Variants in CDH9 observed in about 807,000 individuals in gnomAD.
The protein encoded by CDH9 is cadherin 9, also known as cadherin-9.
CDH9 carries 28 observed loss-of-function variants against 70.9 expected under a neutral mutation model. That is an observed-to-expected ratio of 0.40 (90% confidence interval 0.29 to 0.54). The LOEUF (loss-of-function observed/expected upper bound fraction) is 0.54, where lower values mean the gene tolerates loss of function less well. Ranked by LOEUF, CDH9 falls within the 20% of genes least tolerant of loss-of-function variation. The pLI is 0.59. For missense variants in CDH9, 874 were observed against 984.4 expected, an observed-to-expected ratio of 0.89 and a Z score of 1.50; for synonymous variants, 409 against 343.1, an observed-to-expected ratio of 1.19 and a Z score of -2.12.
intron 2 of CDH9, among the ~76,000 whole-genome samples, chr5:26,929,416 T>C (rs1741400703): frequency 6.6e-6 from 1 of 152,038 alleles, no homozygotes; most frequent in Non-Finnish European, 1.5e-5. Flanking sequence ...ACCAACACTG[T>C]GGAAAGCAGT....
intron 2 of CDH9, among the ~76,000 whole-genome samples, chr5:26,932,133 T>TC (rs944808348): frequency 2.0e-5 from 3 of 151,768 alleles, no homozygotes; most frequent in East Asian, 3.9e-4. Flanking sequence ...ATATCATTTT[T>TC]TTATTATTGG....
chr5:26,921,339 T>C (rs1271035014), intron 2 of CDH9, among the ~76,000 whole-genome samples: 1 of 152,096 alleles, frequency 6.6e-6, no homozygotes, highest in Non-Finnish European at 1.5e-5. Flanking sequence ...TCCTAAGAGA[T>C]ACCAAGGCAC....
rs558108669 is a variant in CDH9 at position 26,888,373 on chromosome 5, A to G, written c.1512+1463T>C. On this transcript the variant is annotated intron_variant, in intron 9 of 11. Transcript: ENST00000231021. ...AGCAAAATGTACTACAGTGTTCATT[A>G]TAGTATAACTGGGGTACTGCTAGGG... Among the ~76,000 whole-genome samples, 54 of 152,288 alleles carry G rather than the reference A, an allele frequency of 3.5e-4. No individual in the cohort carries two copies. In the South Asian group the frequency reaches 0.011, roughly 31 times the overall value.
chr5:26,967,287 C>A (rs1037826437), intron 2 of CDH9, among the ~76,000 whole-genome samples: 1 of 151,974 alleles, frequency 6.6e-6, no homozygotes, highest in Non-Finnish European at 1.5e-5. Context: ...CTTTTCCTCC[C>A]AAACTTGTTG....
chr5:26,951,290 T>TA (rs1741840258), intron 2 of CDH9, among the ~76,000 whole-genome samples: 2 of 95,292 alleles, frequency 2.1e-5, no homozygotes, highest in African/African-American at 1.2e-4. Flanking sequence ...AGACTCTGTC[T>TA]CAAAAAAAAA....
Position 26,962,249 on chromosome 5 carries a change from G to C in CDH9, c.228+25857C>G, listed in dbSNP as rs555791639. ...ATTGATGGGCATTTCTGTTGGTTCCGTCTTTGCTGTTGTGAACAGTGCCAC... is the reference window on the plus strand; with the variant it reads ...ATTGATGGGCATTTCTGTTGGTTCCCTCTTTGCTGTTGTGAACAGTGCCAC... On this transcript the variant is annotated intron_variant, in intron 2 of 11. Transcript: ENST00000231021. Among the ~76,000 whole-genome samples the C allele has an allele frequency of 2.0e-5, 3 of 152,034 alleles. No individual in the cohort carries two copies. In the South Asian group the frequency reaches 6.2e-4, roughly 32 times the overall value.
intron 2 of CDH9, among the ~76,000 whole-genome samples, chr5:26,958,527 A>T (rs946343316): frequency 2.6e-5 from 4 of 152,196 alleles, no homozygotes; most frequent in Non-Finnish European, 5.9e-5. Context: ...AAGAAGTGGC[A>T]GTAATATCAG....
chr5:26,894,160 G>A (rs1402451178), intron 7 of CDH9, among the ~76,000 whole-genome samples: 1 of 152,054 alleles, frequency 6.6e-6, no homozygotes, highest in Non-Finnish European at 1.5e-5. Context: ...TCTCTCTATT[G>A]TTGGAAAGGT....
At chr5:26,970,005 T>C (rs1742191658) in intron 2 of CDH9, among the ~76,000 whole-genome samples, 1 of 150,642 alleles carries the variant, frequency 6.6e-6, no homozygotes, top group African/African-American at 2.4e-5. Context: ...TACTTCTTTA[T>C]ACCAAAACCA....
At chr5:26,960,990 T>C (rs1322036347) in intron 2 of CDH9, among the ~76,000 whole-genome samples, 2 of 152,068 alleles carry the variant, frequency 1.3e-5, no homozygotes, top group African/African-American at 4.8e-5. Flanking sequence ...TTTGGTAAGA[T>C]AACTTGATTT....
At chr5:26,929,493 A>G (rs1741403142) in intron 2 of CDH9, among the ~76,000 whole-genome samples, 1 of 152,058 alleles carries the variant, frequency 6.6e-6, no homozygotes, top group Non-Finnish European at 1.5e-5. Flanking sequence ...AGATACATAC[A>G]TAGCCAAGAT....
intron 2 of CDH9, among the ~76,000 whole-genome samples, chr5:26,943,429 CT>C (rs1741696192): frequency 1.3e-5 from 2 of 151,250 alleles, no homozygotes; most frequent in African/African-American, 4.9e-5. Flanking sequence ...AGGAGAATCG[CT>C]TGAACCTGGG....
intron 2 of CDH9, among the ~76,000 whole-genome samples, chr5:26,980,183 A>G (rs1742376509): frequency 6.6e-6 from 1 of 151,894 alleles, no homozygotes; most frequent in South Asian, 2.1e-4. Context: ...ATTGGAAAAT[A>G]TTGAGGAAGT....
chr5:26,902,747 A>C lies in CDH9; in HGVS notation c.1000-18T>G. On this transcript the variant is annotated intron_variant, in intron 6 of 11. Transcript: ENST00000231021. ...TCTAAATTCTGGAGTTAAATAACAT[A>C]AAAGAAATTAGCATAATTCAGAAGA... 1 of 1,418,306 alleles carries C rather than the reference A, an allele frequency of 7.1e-7. No individual in the cohort carries two copies. Among genetic ancestry groups the C allele is most frequent in the South Asian group, 1.2e-5 (1 of 85,310 alleles). The allele number at this position is 1,418,306 out of a possible 1,614,324, so 87.9% of individuals were successfully genotyped here.
chr5:27,021,307 T>C (rs1404999281), intron 1 of CDH9, among the ~76,000 whole-genome samples: 1 of 151,872 alleles, frequency 6.6e-6, no homozygotes, highest in African/African-American at 2.4e-5. Flanking sequence ...TAATGACATA[T>C]TAATAGTCAG....
At chr5:26,896,235 T>C (rs1025402541) in intron 7 of CDH9, among the ~76,000 whole-genome samples, 1 of 151,930 alleles carries the variant, frequency 6.6e-6, no homozygotes, top group Admixed American at 6.6e-5. Flanking sequence ...GGGAAGCAAG[T>C]TTGCAAATTT....
intron 2 of CDH9, among the ~76,000 whole-genome samples, chr5:26,941,033 T>C (rs1741654152): frequency 6.6e-6 from 1 of 152,174 alleles, no homozygotes; most frequent in Non-Finnish European, 1.5e-5. Flanking sequence ...AATCACTGAA[T>C]GAGAAAATGA....
chr5:26,883,378 C>T (rs1403462440), intron 11 of CDH9, among the ~76,000 whole-genome samples: 3 of 151,436 alleles, frequency 2.0e-5, no homozygotes, highest in Admixed American at 6.6e-5. Flanking sequence ...CCTTTTCTAC[C>T]GTATTAAAAT....
intron 2 of CDH9, among the ~76,000 whole-genome samples, chr5:26,976,667 T>C (rs1477130881): frequency 6.6e-6 from 1 of 152,162 alleles, no homozygotes; most frequent in Non-Finnish European, 1.5e-5. Flanking sequence ...CTTGAACTCC[T>C]GAGCTCAAGT....
Sources: gnomAD v4.1 joint callset for allele counts (sites outside exome capture counted in the v4.1 genomes callset) on GRCh38, gnomAD v4.1.1 for gene constraint, MANE v1.5 for transcripts, NCBI Gene and HGNC (gene_info 2026-07-23, HGNC 2026-07-21) for gene names.